TET1: variants seen among roughly 807,000 people sequenced by gnomAD.
TET1 encodes the protein tet methylcytosine dioxygenase 1, also known as methylcytosine dioxygenase TET1.
A neutral mutation model predicts 148.7 loss-of-function variants in TET1; 13 were observed. That is an observed-to-expected ratio of 0.09 (90% confidence interval 0.06 to 0.14). The LOEUF is 0.14. TET1 is among the 10% of genes least tolerant of loss of function. The probability of loss-of-function intolerance (pLI) is 1.00; values close to 1 mark genes in which losing one functional copy is unlikely to be tolerated. For synonymous variants in TET1, 907 were observed against 937.2 expected (o/e 0.97, Z 0.59); for missense variants, 2,182 against 2,553.8 (o/e 0.85, Z 3.14).
At chr10:68,654,248 A>G (rs1184356694) in intron 6 of TET1, among the ~76,000 whole-genome samples, 1 of 152,124 alleles carries the variant, frequency 6.6e-6, no homozygotes, top group Non-Finnish European at 1.5e-5. Context: ...CTAAGCAGAG[A>G]AAACAGCAAG....
intron 2 of TET1, among the ~76,000 whole-genome samples, chr10:68,579,991 C>A (rs2053774266): frequency 6.6e-6 from 1 of 151,310 alleles, no homozygotes; most frequent in Non-Finnish European, 1.5e-5. Context: ...TGCAGTGGTG[C>A]AATCTCAGCT....
chr10:68,674,480 C>A, intron 8 of TET1: 1 of 402,836 alleles, frequency 2.5e-6, no homozygotes, highest in South Asian at 2.5e-5. Flanking sequence ...CCCAAGGAAC[C>A]ATAATTGAAT....
chr10:68,671,201 C>T (rs2055267789), intron 7 of TET1, among the ~76,000 whole-genome samples: 1 of 152,120 alleles, frequency 6.6e-6, no homozygotes, highest in Non-Finnish European at 1.5e-5. Context: ...TGTCTTCCCA[C>T]CCTCCATCCT....
chr10:68,645,334 G>T lies in TET1; in HGVS notation c.2605G>T (p.Asp869Tyr), dbSNP rs1184220731. 2 of 1,613,984 alleles carry T rather than the reference G, an allele frequency of 1.2e-6. No homozygotes were observed. The highest frequency in any genetic ancestry group is 1.7e-6 in the Non-Finnish European group (2 of 1,180,030). Residue 869 changes from aspartate to tyrosine, a missense_variant, in exon 4 of 12, where the codon GAT (aspartate) becomes TAT (tyrosine). This residue lies in a region of TET1 where 582 missense variants were observed against 599.5 expected (regional missense o/e 0.97). Transcript: ENST00000373644. ...GAATATACCAAGTAAAGAACCAAAA[G>T]ATGGATCTCCCGTTCAACCAAGTCT... ...PENIPSKEPK[D>Y]GSPVQPSLLS...
chr10:68,681,024 A>T (rs1248951386), intron 8 of TET1, among the ~76,000 whole-genome samples: 1 of 152,206 alleles, frequency 6.6e-6, no homozygotes, highest in Non-Finnish European at 1.5e-5. Flanking sequence ...GTTACATTGT[A>T]ACCAAGTTAC....
chr10:68,657,506 G>A (rs894721118), intron 6 of TET1, among the ~76,000 whole-genome samples: 2 of 152,148 alleles, frequency 1.3e-5, no homozygotes, highest in African/African-American at 4.8e-5. Flanking sequence ...AACTGTGGTG[G>A]TGTGCACCTG....
At chr10:68,607,715 T>G (rs1013122644) in intron 3 of TET1, among the ~76,000 whole-genome samples, 1 of 151,060 alleles carries the variant, frequency 6.6e-6, no homozygotes, top group African/African-American at 2.4e-5. Flanking sequence ...GCACCTGGCC[T>G]TCTTAATTCA....
At chr10:68,613,843 CAGG>C (rs2054251169) in intron 3 of TET1, among the ~76,000 whole-genome samples, 1 of 151,260 alleles carries the variant, frequency 6.6e-6, no homozygotes, top group Admixed American at 6.6e-5. Context: ...GAGGCTGAGG[CAGG>C]AGAATCGCTT....
chr10:68,661,935 G>A (rs66492474), intron 6 of TET1, among the ~76,000 whole-genome samples: 14,273 of 141,734 alleles, frequency 0.1, 954 homozygotes, highest in South Asian at 0.17. Context: ...AGGCTAGAGT[G>A]CAGCAGCACG....
chr10:68,629,903 C>T (rs1029883034), intron 3 of TET1, among the ~76,000 whole-genome samples: 10 of 152,190 alleles, frequency 6.6e-5, no homozygotes, highest in South Asian at 2.1e-4. Flanking sequence ...ACAATATGAA[C>T]GATTGGAAGT....
intron 7 of TET1, among the ~76,000 whole-genome samples, chr10:68,669,783 G>A (rs889196393): frequency 1.3e-5 from 2 of 151,950 alleles, no homozygotes; most frequent in African/African-American, 4.8e-5. Context: ...CCAAGTACCT[G>A]GGATTACAGG....
Position 68,692,023 on chromosome 10 carries a change from A to G in TET1, c.*209A>G, listed in dbSNP as rs916409281. 9.0e-6 allele frequency: 5 copies of G among 556,576 alleles called. No homozygotes were observed. The African/African-American group carries it at 9.4e-5, about 10-fold the overall frequency. The allele number at this position is 556,576 out of a possible 1,614,324, so 34.5% of individuals were successfully genotyped here. On this transcript the variant is annotated 3_prime_UTR_variant, in exon 12 of 12. Transcript: ENST00000373644. ...TAGAAGGTGCACATTTTAAGCAAAA[A>G]TAAAAGTTTTATAGTTTTAAATACA...
intron 3 of TET1, among the ~76,000 whole-genome samples, chr10:68,604,715 T>C (rs1425225664): frequency 6.6e-6 from 1 of 152,132 alleles, no homozygotes; most frequent in Non-Finnish European, 1.5e-5. Flanking sequence ...AATGTAGGCC[T>C]GGAAGGGAAA....
intron 2 of TET1, among the ~76,000 whole-genome samples, chr10:68,577,531 G>C (rs1478571051): frequency 6.6e-6 from 1 of 151,836 alleles, no homozygotes; most frequent in Non-Finnish European, 1.5e-5. Flanking sequence ...AGCTGGGCCG[G>C]GTGCATTGGC....
chr10:68,619,439 C>T (rs1004684687), intron 3 of TET1, among the ~76,000 whole-genome samples: 1 of 151,866 alleles, frequency 6.6e-6, no homozygotes, highest in Admixed American at 6.6e-5. Flanking sequence ...CACTTTTTTG[C>T]CCTGAGCTCA....
chr10:68,640,712 C>T (rs59709373), intron 3 of TET1, among the ~76,000 whole-genome samples: 2,234 of 151,018 alleles, frequency 0.015, 45 homozygotes, highest in African/African-American at 0.051. Context: ...CCACCACACC[C>T]GGCTAATTTT....
intron 8 of TET1, among the ~76,000 whole-genome samples, chr10:68,676,236 G>GTGTATATA (rs1202890548): frequency 1.8e-5 from 1 of 55,478 alleles, no homozygotes; most frequent in African/African-American, 9.5e-5. Context: ...GTATGTATGT[G>GTGTATATA]TATATATATA....
At chr10:68,640,544 CTTTTTTTTTTTTT>C (rs60460824) in intron 3 of TET1, among the ~76,000 whole-genome samples, 3 of 42,884 alleles carry the variant, frequency 7.0e-5, no homozygotes, top group Non-Finnish European at 1.2e-4. Context: ...TTCTTTCTTT[CTTTTTTTTTTTTT>C]TTTTTTTTTT....
chr10:68,606,902 C>T (rs879898094), intron 3 of TET1, among the ~76,000 whole-genome samples: 1 of 152,210 alleles, frequency 6.6e-6, no homozygotes. Context: ...TGTTTATTCA[C>T]ACAATCAAAG....
Sources: gnomAD v4.1 joint callset for allele counts (sites outside exome capture counted in the v4.1 genomes callset) on GRCh38, gnomAD v4.1.1 for gene constraint, gnomAD v4.1.1 regional missense constraint, MANE v1.5 for transcripts, NCBI Gene and HGNC (gene_info 2026-07-23, HGNC 2026-07-21) for gene names.